GRM4: variants seen among roughly 807,000 people sequenced by gnomAD.
The protein encoded by GRM4 is glutamate metabotropic receptor 4.
In GRM4, 28 loss-of-function variants were observed where a neutral mutation model predicts 81.7. That is an observed-to-expected ratio of 0.34 (90% CI 0.25 to 0.47). The LOEUF is 0.47. Among genes scored for constraint, GRM4 ranks in the 20% least tolerant of loss-of-function variants. The probability of loss-of-function intolerance (pLI) is 1.00; values close to 1 mark genes in which losing one functional copy is unlikely to be tolerated. For missense variants in GRM4, 948 were observed against 1,290.0 expected, an observed-to-expected ratio of 0.73 and a Z score of 4.06; for synonymous variants, 488 against 528.8, an observed-to-expected ratio of 0.92 and a Z score of 1.06.
chr6:34,067,683 T>C (rs1458313501), intron 3 of GRM4, among the ~76,000 whole-genome samples: 1 of 151,332 alleles, frequency 6.6e-6, no homozygotes, highest in Non-Finnish European at 1.5e-5. Context: ...CCCTAAGAAA[T>C]GATATTGAGT....
At chr6:34,073,223 A>ACG (rs1369542725) in intron 3 of GRM4, among the ~76,000 whole-genome samples, 18 of 622 alleles carry the variant, frequency 0.029, no homozygotes, top group Non-Finnish European at 0.073. Context: ...ACAAACACAC[A>ACG]TCACCAAATA....
rs1175220157 is a variant in GRM4, at chr6:34,020,659, C to CA, written c.*2161dup. ...GGCAGAGGTCTTAGGAACCATTCCG[C>CA]AAGATGATCAGCGAGACACTTCCTT... On this transcript the variant is annotated 3_prime_UTR_variant, in exon 11 of 11. Coordinates refer to ENST00000538487, the MANE Select transcript of GRM4 (RefSeq NM_000841.4). The CA allele has an allele frequency of 2.6e-5, 4 of 152,136 alleles. No homozygotes were observed. Among genetic ancestry groups the CA allele is most frequent in the Non-Finnish European group, 5.9e-5 (4 of 68,048 alleles). 9.4% of individuals were successfully genotyped at this position (152,136 alleles called of 1,614,324 possible).
chr6:34,138,713 T>C (rs1337237537), intron 1 of GRM4, among the ~76,000 whole-genome samples: 1 of 152,186 alleles, frequency 6.6e-6, no homozygotes, highest in East Asian at 1.9e-4. Context: ...GATGACCAGT[T>C]AGCCCTTCAA....
intron 10 of GRM4, among the ~76,000 whole-genome samples, chr6:34,026,552 C>T (rs1764141731): frequency 6.6e-6 from 1 of 152,056 alleles, no homozygotes; most frequent in African/African-American, 2.4e-5. Flanking sequence ...GCCTGGAGAC[C>T]CCCAGGCCCC....
intron 3 of GRM4, chr6:34,062,338 C>T (rs1291128560): frequency 3.4e-6 from 1 of 296,694 alleles, no homozygotes; most frequent in East Asian, 6.0e-5. Context: ...GGGTTCAAAT[C>T]TCAGCTCTGC....
At chr6:34,124,843 C>A (rs555687905) in intron 2 of GRM4, among the ~76,000 whole-genome samples, 3 of 152,120 alleles carry the variant, frequency 2.0e-5, no homozygotes, top group Non-Finnish European at 4.4e-5. Flanking sequence ...TTGAGGACCC[C>A]CCCCTAGACT....
intron 10 of GRM4, among the ~76,000 whole-genome samples, chr6:34,027,124 G>A (rs1371906950): frequency 6.6e-6 from 1 of 152,184 alleles, no homozygotes; most frequent in Non-Finnish European, 1.5e-5. Context: ...AGGGTCGTAG[G>A]TTGAGGGAAG....
chr6:34,145,962 C>T (rs1770915291), intron 1 of GRM4, 38 bp downstream of exon 1: 25 of 982,396 alleles, frequency 2.5e-5, no homozygotes, highest in Admixed American at 1.2e-4. Context: ...CGGAAGCCCC[C>T]CCCTTCCTCC....
At chr6:34,067,298 G>T (rs898350716) in intron 3 of GRM4, among the ~76,000 whole-genome samples, 1 of 152,092 alleles carries the variant, frequency 6.6e-6, no homozygotes, top group African/African-American at 2.4e-5. Flanking sequence ...ACCTCCCGCT[G>T]CACTTCCCAA....
chr6:34,053,795 T>A (rs184978223), intron 6 of GRM4, among the ~76,000 whole-genome samples: 4 of 152,334 alleles, frequency 2.6e-5, no homozygotes, highest in African/African-American at 9.6e-5. Context: ...ACCGTATTTT[T>A]AAAAGATCCC....
intron 2 of GRM4, among the ~76,000 whole-genome samples, chr6:34,112,175 A>G (rs1016542874): frequency 5.9e-5 from 9 of 152,208 alleles, no homozygotes; most frequent in African/African-American, 1.9e-4. Context: ...CTCCCTGTCC[A>G]TCCCCCCACC....
intron 10 of GRM4, 100 bp downstream of exon 10, chr6:34,028,020 C>T (rs1045431883): frequency 1.1e-5 from 15 of 1,315,932 alleles, no homozygotes; most frequent in Admixed American, 9.5e-5. Flanking sequence ...GATGGGGCAT[C>T]GGGGCAGGGC....
In GRM4 at chr6:34,102,156, T is replaced by C. The variant is rs575146867; in HGVS notation, c.520-10057A>G. On this transcript the variant is annotated intron_variant, in intron 2 of 10. Transcript: ENST00000538487. ...GCCGGAAGGACTGGGGCATTTAAGG[T>C]GTGCAGGGGACAGGAGCAATAATAG... is the stretch of plus-strand genomic sequence containing the variant. The C allele has an allele frequency of 1.2e-3, 1,841 of 1,535,296 alleles. 5 individuals carry two copies. Among genetic ancestry groups the C allele is most frequent in the Non-Finnish European group, 1.5e-3 (1,761 of 1,146,668 alleles).
intron 6 of GRM4, chr6:34,054,215 C>T (rs1008873868): frequency 2.7e-5 from 4 of 148,828 alleles, no homozygotes; most frequent in Non-Finnish European, 4.4e-5. Context: ...GGCTGGAGTG[C>T]ACTGGCACAA....
intron 3 of GRM4, chr6:34,091,578 T>A: frequency 8.3e-6 from 3 of 360,452 alleles, no homozygotes; most frequent in East Asian, 5.2e-5. Flanking sequence ...CCCCACCCCA[T>A]CCCTTCCTCT....
chr6:34,033,218 C>T (rs1201239500), intron 9 of GRM4, among the ~76,000 whole-genome samples: 1 of 152,214 alleles, frequency 6.6e-6, no homozygotes, highest in Non-Finnish European at 1.5e-5. Flanking sequence ...CCTGCTGAAG[C>T]AGACCCAGTC....
In GRM4 at chr6:34,068,813, C is replaced by G. The variant is rs775133997; in HGVS notation, c.737-6785G>C. ...GACAAGGAAGGAGAAAAATCCTCCT[C>G]CAGACCCCTGAGCCAGCTCGCTCTG... On this transcript the variant is annotated intron_variant, in intron 3 of 10. Transcript: ENST00000538487. This position sits in a 1 kb window ranked among gnomAD's most constrained non-coding sequence, Gnocchi z 4.2. Among the ~76,000 whole-genome samples, 2 of 152,138 alleles carry G rather than the reference C, an allele frequency of 1.3e-5. No individual in the cohort carries two copies. Among genetic ancestry groups the G allele is most frequent in the Non-Finnish European group, 2.9e-5 (2 of 68,030 alleles).
At chr6:34,124,884 A>G (rs1413223573) in intron 2 of GRM4, among the ~76,000 whole-genome samples, 1 of 151,912 alleles carries the variant, frequency 6.6e-6, no homozygotes, top group Non-Finnish European at 1.5e-5. Context: ...CCATAATGCC[A>G]TGCATCACAT....
chr6:34,075,095 C>A (rs1307711285), intron 3 of GRM4, among the ~76,000 whole-genome samples: 1 of 152,366 alleles, frequency 6.6e-6, no homozygotes, highest in African/African-American at 2.4e-5. Flanking sequence ...ATGCCCTGGT[C>A]TGACCCGCGG....
Sources: gnomAD v4.1 joint callset for allele counts (sites outside exome capture counted in the v4.1 genomes callset) on GRCh38, gnomAD v4.1.1 for gene constraint, Gnocchi (gnomAD v3.1) non-coding constraint, MANE v1.5 for transcripts, NCBI Gene and HGNC (gene_info 2026-07-23, HGNC 2026-07-21) for gene names.